PRICKLE2: variants seen among roughly 807,000 people sequenced by gnomAD.
The protein encoded by PRICKLE2 is prickle-like protein 2.
In PRICKLE2, 21 loss-of-function variants were observed where a neutral mutation model predicts 81.4. The ratio of observed to expected loss-of-function variants is 0.26; its 90% confidence interval spans 0.18 to 0.37. The LOEUF is 0.37. PRICKLE2 is among the 10% of genes least tolerant of loss of function. PRICKLE2 has a pLI of 1.00. For missense variants in PRICKLE2, 940 were observed against 1,109.0 expected, an observed-to-expected ratio of 0.85 and a Z score of 2.16; for synonymous variants, 456 against 421.5, an observed-to-expected ratio of 1.08 and a Z score of -1.00.
chr3:64,196,471 C>T (rs752783465), intron 2 of PRICKLE2, among the ~76,000 whole-genome samples: 9 of 152,106 alleles, frequency 5.9e-5, no homozygotes, highest in Admixed American at 3.3e-4. Context: ...CAAAGTTATG[C>T]GGTCAGCCAC....
At chr3:64,158,468 T>C (rs567203255) in intron 4 of PRICKLE2, among the ~76,000 whole-genome samples, 1 of 152,350 alleles carries the variant, frequency 6.6e-6, no homozygotes, top group Non-Finnish European at 1.5e-5. Context: ...ATCCATTCTA[T>C]AGATGACAAA....
Position 64,155,160 on chromosome 3 carries a change from A to AC in PRICKLE2, c.601-1793_601-1792insG, listed in dbSNP as rs527445505. 572 of 148,246 alleles carry AC rather than the reference A, an allele frequency of 3.9e-3. 7 individuals carry two copies. Among genetic ancestry groups the AC allele is most frequent in the African/African-American group, 0.013 (530 of 40,810 alleles). The allele number at this position is 148,246 out of a possible 1,614,324, so 9.2% of individuals were successfully genotyped here. ...TGAGACTCTGTCTTAAAAAAAAAAA[A>AC]AAAAAAAAAAGGGAAAAATAACCCA... On this transcript the variant is annotated intron_variant, in intron 5 of 7. Coordinates refer to ENST00000638394, the MANE Select transcript of PRICKLE2 (RefSeq NM_198859.4).
At chr3:64,165,669 G>A (rs1046977444) in intron 2 of PRICKLE2, among the ~76,000 whole-genome samples, 7 of 152,040 alleles carry the variant, frequency 4.6e-5, no homozygotes, top group African/African-American at 1.7e-4. Flanking sequence ...CACCATGCCT[G>A]GCTAATTTTT....
intron 2 of PRICKLE2, among the ~76,000 whole-genome samples, chr3:64,248,657 C>CA (rs144538316): frequency 0.066 from 9,288 of 140,442 alleles, 824 homozygotes; most frequent in African/African-American, 0.21. Flanking sequence ...AAACCAAAAC[C>CA]AAAAAAAACA....
intron 1 of PRICKLE2, chr3:64,199,822 A>AG (rs1468751057): frequency 2.0e-5 from 3 of 152,222 alleles, no homozygotes; most frequent in African/African-American, 7.2e-5. Context: ...ATAAAAAGAG[A>AG]GAAAAAAAGA....
chr3:64,201,572 AT>A (rs989097243), intron 1 of PRICKLE2, among the ~76,000 whole-genome samples: 1 of 151,150 alleles, frequency 6.6e-6, no homozygotes, highest in African/African-American at 2.4e-5. Context: ...TCCTTAGTCC[AT>A]TTTTTTTCAT....
upstream of PRICKLE2, among the ~76,000 whole-genome samples, chr3:64,228,828 G>A (rs1441872388): frequency 6.6e-6 from 1 of 152,134 alleles, no homozygotes; most frequent in Non-Finnish European, 1.5e-5. Context: ...TAGGTAGAAT[G>A]ATAGGATATT....
At chr3:64,213,763 T>C (rs1231500149) in intron 1 of PRICKLE2, among the ~76,000 whole-genome samples, 1 of 144,238 alleles carries the variant, frequency 6.9e-6, no homozygotes, top group East Asian at 2.4e-4. Flanking sequence ...ACGCTTTTCT[T>C]ATTAATCCTC....
intron 2 of PRICKLE2, among the ~76,000 whole-genome samples, chr3:64,189,472 T>C (rs1243591128): frequency 2.6e-5 from 4 of 152,154 alleles, no homozygotes; most frequent in Admixed American, 2.0e-4. Flanking sequence ...CTCTTCACTG[T>C]GCATGAGGAA....
chr3:64,182,984 A>G (rs1375915412), intron 2 of PRICKLE2, among the ~76,000 whole-genome samples: 2 of 152,204 alleles, frequency 1.3e-5, no homozygotes, highest in Non-Finnish European at 2.9e-5. Context: ...TTATTATAAT[A>G]AATTTAAATG....
intron 7 of PRICKLE2, among the ~76,000 whole-genome samples, chr3:64,128,058 T>A (rs963215147): frequency 2.6e-5 from 4 of 152,224 alleles, no homozygotes; most frequent in African/African-American, 9.6e-5. Context: ...CACTGCCCTT[T>A]GCAGCAGTTG....
upstream of PRICKLE2, chr3:64,225,494 C>T (rs1406920870): frequency 1.0e-6 from 1 of 980,094 alleles, no homozygotes; most frequent in Non-Finnish European, 1.2e-6. Context: ...GCTAATGAAG[C>T]TGTGATGTCA....
intron 7 of PRICKLE2, among the ~76,000 whole-genome samples, chr3:64,126,215 C>A (rs1028099334): frequency 1.3e-5 from 2 of 152,174 alleles, no homozygotes; most frequent in Admixed American, 6.5e-5. Flanking sequence ...GGGGCTGAAA[C>A]AGTCTGGGAC....
At chr3:64,188,569 C>T (rs537257306) in intron 2 of PRICKLE2, among the ~76,000 whole-genome samples, 3 of 152,122 alleles carry the variant, frequency 2.0e-5, no homozygotes, top group Non-Finnish European at 4.4e-5. Context: ...AACCACGGGA[C>T]GAGGCAGACC....
intron 4 of PRICKLE2, among the ~76,000 whole-genome samples, chr3:64,158,441 C>G (rs1164153133): frequency 6.6e-6 from 1 of 152,146 alleles, no homozygotes; most frequent in East Asian, 1.9e-4. Flanking sequence ...ATATAACCCT[C>G]ACATGAGTCA....
At chr3:64,228,471 A>G (rs557249529), upstream of PRICKLE2, among the ~76,000 whole-genome samples, 220 of 152,268 alleles carry the variant, frequency 1.4e-3, 1 homozygote, top group African/African-American at 5.1e-3. Flanking sequence ...TTAAAATTAC[A>G]AAATCCACAG....
intron 7 of PRICKLE2, chr3:64,146,318 TCA>T (rs1398441389): frequency 1.7e-5 from 3 of 177,166 alleles, no homozygotes; most frequent in Non-Finnish European, 3.7e-5. Context: ...CCTCAGTACA[TCA>T]CAGGCATCTG....
upstream of PRICKLE2, among the ~76,000 whole-genome samples, chr3:64,228,559 T>C (rs1187674152): frequency 6.6e-6 from 1 of 151,828 alleles, no homozygotes; most frequent in African/African-American, 2.4e-5. Flanking sequence ...CAAATTATAC[T>C]GGTAGGTATT....
At chr3:64,176,201 A>T (rs1317075587) in intron 2 of PRICKLE2, among the ~76,000 whole-genome samples, 2 of 152,210 alleles carry the variant, frequency 1.3e-5, no homozygotes, top group Admixed American at 1.3e-4. Flanking sequence ...CAGGGTCCTT[A>T]GTAGGGCATA....
Sources: allele counts gnomAD v4.1 joint callset (sites outside exome capture counted in the v4.1 genomes callset), GRCh38; gene constraint gnomAD v4.1.1; transcripts MANE v1.5; gene names NCBI Gene and HGNC (gene_info 2026-07-23, HGNC 2026-07-21).